SLX4IP: variants seen among roughly 807,000 people sequenced by gnomAD.
The protein encoded by SLX4IP is SLX4 interacting protein.
Under a neutral mutation model 32.9 loss-of-function variants are expected in SLX4IP, and 34 were observed. That is an observed-to-expected ratio of 1.03 (90% CI 0.79 to 1.38). The LOEUF (loss-of-function observed/expected upper bound fraction) is 1.38, where lower values mean the gene tolerates loss of function less well. Ranked by LOEUF, SLX4IP falls within the 40% of genes most tolerant of loss-of-function variation. The probability of loss-of-function intolerance (pLI) is 0.00; values close to 1 mark genes in which losing one functional copy is unlikely to be tolerated. For missense variants in SLX4IP, 444 were observed against 479.0 expected (o/e 0.93, Z 0.68); for synonymous variants, 172 against 171.7 (o/e 1.00, Z -0.01).
intron 4 of SLX4IP, among the ~76,000 whole-genome samples, chr20:10,582,972 G>T (rs2066602089): frequency 6.6e-6 from 1 of 152,010 alleles, no homozygotes; most frequent in Admixed American, 6.6e-5. Context: ...TATTTTCATG[G>T]TGGTGTTTCT....
chr20:10,619,207 CTTTTTTTTTCTTTTT>C (rs2067076487), intron 6 of SLX4IP, among the ~76,000 whole-genome samples: 2 of 142,606 alleles, frequency 1.4e-5, no homozygotes, highest in South Asian at 4.5e-4. Context: ...TTTTTCTTTT[CTTTTTTTTTCTTTTT>C]TTTTTTTTTT....
Position 10,625,420 on chromosome 20 carries a change from T to C in SLX4IP, c.*2041T>C, listed in dbSNP as rs1032099581. ...GCCTGCTCCAGAACTAGGGGGGAGA[T>C]ATTTGAGCTGGAGCCACCAGAGAAC... is the stretch of plus-strand genomic sequence containing the variant. On this transcript the variant is annotated 3_prime_UTR_variant, in exon 8 of 8. Transcript: ENST00000334534. 6.6e-6 allele frequency: 1 copy of C among 152,204 alleles called. No individual in the cohort carries two copies. Among genetic ancestry groups the C allele is most frequent in the Non-Finnish European group, 1.5e-5 (1 of 68,016 alleles). 9.4% of individuals were successfully genotyped at this position (152,204 alleles called of 1,614,324 possible).
intron 2 of SLX4IP, among the ~76,000 whole-genome samples, chr20:10,516,812 A>G (rs1033146195): frequency 1.3e-5 from 2 of 152,216 alleles, no homozygotes; most frequent in Non-Finnish European, 2.9e-5. Flanking sequence ...CACAGAATGA[A>G]AAAATGTCTG....
In SLX4IP at chr20:10,601,783, C is replaced by T. The variant is rs187249576; in HGVS notation, c.369C>T (p.Phe123=). ...RFVVCVSQLA[F]SRDLLASQNE... is the part of the protein sequence containing the mutation. The stretch of plus-strand genomic sequence containing the variant: ...TGGTTTGTGTCAGTCAGCTTGCATT[C>T]AGTCGTGATCTTTTAGCAAGTCAGA... Residue 123 remains phenylalanine, a synonymous_variant, in exon 6 of 8, where the codon TTC becomes TTT. Transcript: ENST00000334534. 2 of 1,613,940 alleles carry T rather than the reference C, an allele frequency of 1.2e-6. No individual in the cohort carries two copies. The highest frequency in any genetic ancestry group is 2.2e-5 in the East Asian group (1 of 44,862).
chr20:10,570,806 G>A (rs2066454934), intron 4 of SLX4IP, among the ~76,000 whole-genome samples: 1 of 152,124 alleles, frequency 6.6e-6, no homozygotes, highest in Non-Finnish European at 1.5e-5. Flanking sequence ...TGGGATTACA[G>A]GCGTGAGCCA....
intron 2 of SLX4IP, among the ~76,000 whole-genome samples, chr20:10,552,078 G>A (rs2122492100): frequency 1.3e-5 from 2 of 152,342 alleles, no homozygotes; most frequent in South Asian, 4.1e-4. Context: ...GGGAAGGGAG[G>A]AGTTGGGGGT....
At chr20:10,515,380 A>G (rs968352032) in intron 2 of SLX4IP, among the ~76,000 whole-genome samples, 1 of 152,164 alleles carries the variant, frequency 6.6e-6, no homozygotes, top group African/African-American at 2.4e-5. Flanking sequence ...CCACCGTGCC[A>G]GACCTAGCTG....
At chr20:10,565,626 C>T (rs2066383357) in intron 4 of SLX4IP, among the ~76,000 whole-genome samples, 1 of 152,162 alleles carries the variant, frequency 6.6e-6, no homozygotes, top group Non-Finnish European at 1.5e-5. Context: ...GGGAAAGTGA[C>T]ACTTATAAAA....
At chr20:10,537,561 G>T (rs188468695) in intron 2 of SLX4IP, among the ~76,000 whole-genome samples, 217 of 152,304 alleles carry the variant, frequency 1.4e-3, no homozygotes, top group African/African-American at 5.0e-3. Flanking sequence ...TACTCGTTTG[G>T]ATTATTAGGA....
intron 2 of SLX4IP, among the ~76,000 whole-genome samples, chr20:10,539,874 C>T (rs572006823): frequency 6.6e-6 from 1 of 152,184 alleles, no homozygotes; most frequent in Non-Finnish European, 1.5e-5. Flanking sequence ...AAAAGCTCCC[C>T]AAGTGATTCT....
rs1247078533 is a variant in SLX4IP at position 10,624,166 on chromosome 20, C to A, written c.*787C>A. The A allele has an allele frequency of 6.6e-6, 1 of 152,250 alleles. No individual in the cohort carries two copies. The highest frequency in any genetic ancestry group is 1.5e-5 in the Non-Finnish European group (1 of 68,078). The allele number at this position is 152,250 out of a possible 1,614,324, so 9.4% of individuals were successfully genotyped here. A position where few individuals can be genotyped will look rare whatever the true frequency, so the allele number is the denominator to read the frequency against. On this transcript the variant is annotated 3_prime_UTR_variant, in exon 8 of 8. Transcript: ENST00000334534. Reference sequence around the variant, plus strand: ...ATGGCACCCATGAAGGTGTTACTTTCCCTTATAATTGTTGAAGTCGATGGG... The same window carrying A: ...ATGGCACCCATGAAGGTGTTACTTTACCTTATAATTGTTGAAGTCGATGGG...
At chr20:10,601,306 GTAAC>G (rs374484150) in intron 5 of SLX4IP, among the ~76,000 whole-genome samples, 4 of 152,194 alleles carry the variant, frequency 2.6e-5, no homozygotes, top group Non-Finnish European at 4.4e-5. Flanking sequence ...GATAAGTAAA[GTAAC>G]TAGGAAAAAC....
At chr20:10,506,797 G>A (rs2065763675) in intron 2 of SLX4IP, among the ~76,000 whole-genome samples, 1 of 152,182 alleles carries the variant, frequency 6.6e-6, no homozygotes, top group Non-Finnish European at 1.5e-5. Flanking sequence ...GCAGAACCAG[G>A]TGAAAGGTAT....
At chr20:10,461,649 C>T (rs935599482) in intron 2 of SLX4IP, among the ~76,000 whole-genome samples, 2 of 152,236 alleles carry the variant, frequency 1.3e-5, no homozygotes, top group Admixed American at 1.3e-4. Context: ...AGGAGACCTG[C>T]ACACCTGCTA....
intron 2 of SLX4IP, among the ~76,000 whole-genome samples, chr20:10,501,412 C>G (rs1277488137): frequency 6.6e-6 from 1 of 152,152 alleles, no homozygotes; most frequent in Non-Finnish European, 1.5e-5. Flanking sequence ...AAAAAAGGAG[C>G]TGTCCTCATC....
intron 1 of SLX4IP, among the ~76,000 whole-genome samples, chr20:10,440,368 T>G (rs1001490836): frequency 1.3e-5 from 2 of 151,728 alleles, no homozygotes; most frequent in African/African-American, 4.8e-5. Context: ...GGTGGGAGAG[T>G]TGCTTGAACC....
intron 6 of SLX4IP, chr20:10,614,040 T>A: frequency 1.4e-6 from 2 of 1,452,432 alleles, no homozygotes; most frequent in Non-Finnish European, 1.9e-6. Flanking sequence ...TTCCAGGATC[T>A]GGAAGCAGCG....
intron 2 of SLX4IP, among the ~76,000 whole-genome samples, chr20:10,499,744 G>T (rs907966284): frequency 8.5e-5 from 13 of 152,170 alleles, no homozygotes; most frequent in African/African-American, 3.1e-4. Flanking sequence ...GGAGATAAAA[G>T]ATATTTTTAA....
intron 6 of SLX4IP, among the ~76,000 whole-genome samples, chr20:10,611,273 A>G (rs1475947779): frequency 1.3e-5 from 2 of 152,184 alleles, no homozygotes; most frequent in Non-Finnish European, 2.9e-5. Flanking sequence ...CAAACCTGAG[A>G]AGAGATTGTA....
Sources: gnomAD v4.1 joint callset for allele counts (sites outside exome capture counted in the v4.1 genomes callset) on GRCh38, gnomAD v4.1.1 for gene constraint, MANE v1.5 for transcripts, NCBI Gene and HGNC (gene_info 2026-07-23, HGNC 2026-07-21) for gene names.